OPN4: variants seen among roughly 807,000 people sequenced by gnomAD.
OPN4 encodes the protein melanopsin.
A neutral mutation model predicts 49.5 loss-of-function variants in OPN4; 43 were observed. That is an observed-to-expected ratio of 0.87 (90% CI 0.68 to 1.12). The LOEUF (loss-of-function observed/expected upper bound fraction) is 1.12. Among genes scored for constraint, OPN4 ranks in the 50% most tolerant of loss-of-function variants. The pLI, the probability that OPN4 is intolerant of heterozygous loss-of-function variation, is 0.00. For synonymous variants in OPN4, 263 were observed against 258.0 expected (o/e 1.02, Z -0.19); for missense variants, 657 against 643.9 (o/e 1.02, Z -0.22).
intron 9 of OPN4, chr10:86,664,062 C>T (rs560383328): frequency 2.3e-6 from 1 of 441,162 alleles, no homozygotes; most frequent in South Asian, 3.7e-5. Flanking sequence ...CTGCATGGTG[C>T]TGTTGGCTGT....
intron 8 of OPN4, among the ~76,000 whole-genome samples, chr10:86,663,146 G>T (rs1844056782): frequency 6.6e-6 from 1 of 152,160 alleles, no homozygotes; most frequent in African/African-American, 2.4e-5. Flanking sequence ...TGCGCCACCG[G>T]CTCCTGTTCC....
Position 86,666,099 on chromosome 10 carries a change from AC to A in OPN4, c.*350del, listed in dbSNP as rs1427064366. 2.0e-5 allele frequency: 6 copies of A among 296,662 alleles called. No individual in the cohort carries two copies. Among genetic ancestry groups the A allele is most frequent in the African/African-American group, 1.3e-4 (6 of 46,092 alleles). The allele number at this position is 296,662 out of a possible 1,614,324, so 18.4% of individuals were successfully genotyped here. On this transcript the variant is annotated 3_prime_UTR_variant, in exon 10 of 10. Coordinates refer to ENST00000241891, the MANE Select transcript of OPN4 (RefSeq NM_033282.4). ...CAATGGTGATGGCTCCAGAGAACAC[AC>A]CAGCTATTTATGAGCCTCTGCCCCC... is the stretch of plus-strand genomic sequence containing the variant.
Position 86,659,453 on chromosome 10 carries a change from T to A in OPN4, c.785T>A (p.Ile262Asn). ...IYCYIFIFRA[I>N]RETGRALQTF... Reference sequence around the variant, plus strand: ...TGCTACATCTTCATCTTCAGGGCCATCCGGGAGACAGGACGGTAAGAGCCG... The same window carrying A: ...TGCTACATCTTCATCTTCAGGGCCAACCGGGAGACAGGACGGTAAGAGCCG... The change falls in exon 5 of 10, where the codon ATC becomes AAC. Residue 262 changes from isoleucine (I) to asparagine (N), a missense_variant. By Grantham distance (149) the Ile-to-Asn change is moderately radical (BLOSUM62 -3). Transcript: ENST00000241891. 6.2e-7 allele frequency: 1 copy of A among 1,613,858 alleles called. No individual in the cohort carries two copies. The highest frequency in any genetic ancestry group is 1.1e-5 in the South Asian group (1 of 91,054).
Position 86,658,157 on chromosome 10 carries a change from G to A in OPN4, c.416G>A (p.Gly139Glu). ...AGCCTCTATAAGCAGTGGCTCTTTG[G>A]GGAGACAGGTAGATGCTGGGGCTCC... Reference protein sequence around the residue: ...TSSLYKQWLFGETGCEFYAFC... With the variant: ...TSSLYKQWLFEETGCEFYAFC... Residue 139 changes from glycine to glutamate, a missense_variant, in exon 3 of 10, where the codon GGG becomes GAG. By Grantham distance (98) the Gly-to-Glu change is moderately conservative. Coordinates refer to ENST00000241891, the MANE Select transcript of OPN4 (RefSeq NM_033282.4). 3 of 1,613,834 alleles carry A rather than the reference G, an allele frequency of 1.9e-6. No individual in the cohort carries two copies. The highest frequency in any genetic ancestry group is 2.5e-6 in the Non-Finnish European group (3 of 1,179,956).
chr10:86,660,737 G>T (rs1343345420), intron 6 of OPN4, among the ~76,000 whole-genome samples: 1 of 152,154 alleles, frequency 6.6e-6, no homozygotes, highest in African/African-American at 2.4e-5. Context: ...AAGGAACAGT[G>T]GACCTGGGAA....
Position 86,663,685 on chromosome 10 carries a change from T to TGTAA in OPN4, c.1283_1284insAAGT (p.Trp429SerfsTer62). ...GCTGGACACACATGGAGGCAGCAGC[T>TGTAA]GTGTGGGGAGCTGCCCAGCAAGCAA... On this transcript the variant is annotated frameshift_variant, in exon 9 of 10. Coordinates refer to ENST00000241891, the MANE Select transcript of OPN4 (RefSeq NM_033282.4). LOFTEE classifies it high-confidence loss of function. 6.4e-7 allele frequency: 1 copy of TGTAA among 1,561,758 alleles called. No homozygotes were observed. Among genetic ancestry groups the TGTAA allele is most frequent in the South Asian group, 1.2e-5 (1 of 82,254 alleles).
In OPN4 at chr10:86,658,496, A is replaced by G. The variant is rs200099863; in HGVS notation, c.437A>G (p.Tyr146Cys). ...WLFGETGCEF[Y>C]AFCGALFGIS... ...GCTGTGCCCACAGGCTGCGAGTTCT[A>G]TGCCTTCTGTGGAGCTCTCTTTGGC... The change falls in exon 4 of 10, where the codon TAT becomes TGT. Residue 146 changes from tyrosine (Y) to cysteine (C), a missense_variant. Tyr to Cys is a radical substitution (Grantham distance 194). Transcript: ENST00000241891. The G allele has an allele frequency of 8.7e-5, 141 of 1,614,128 alleles. No homozygotes were observed. In the East Asian group the frequency reaches 1.9e-3, roughly 22 times the overall value.
intron 1 of OPN4, among the ~76,000 whole-genome samples, chr10:86,655,759 A>G (rs1218694130): frequency 1.3e-5 from 2 of 152,112 alleles, no homozygotes; most frequent in Non-Finnish European, 2.9e-5. Flanking sequence ...AGGCCTCAAA[A>G]ACTGTCTTGG....
Position 86,666,213 on chromosome 10 carries a change from G to A in OPN4, c.*462G>A, listed in dbSNP as rs144044270. 1.9e-4 allele frequency: 38 copies of A among 199,104 alleles called. No individual in the cohort carries two copies. Among genetic ancestry groups the A allele is most frequent in the African/African-American group, 8.4e-4 (36 of 43,044 alleles). 12.3% of individuals were successfully genotyped at this position (199,104 alleles called of 1,614,324 possible). A position where few individuals can be genotyped will look rare whatever the true frequency, so the allele number is the denominator to read the frequency against. On this transcript the variant is annotated 3_prime_UTR_variant, in exon 10 of 10. Transcript: ENST00000241891. ...GCCGAGCACAGACCTCCCTTTGCAC[G>A]CTGGAACAGTTACTCACCTGTGGCT...
intron 8 of OPN4, among the ~76,000 whole-genome samples, chr10:86,663,232 C>G (rs773078809): frequency 1.3e-5 from 2 of 152,138 alleles, no homozygotes; most frequent in Non-Finnish European, 2.9e-5. Context: ...GCCAACTGAC[C>G]GGCCAGCGAT....
chr10:86,665,413 T>G (rs988962471), intron 9 of OPN4, among the ~76,000 whole-genome samples: 7 of 151,830 alleles, frequency 4.6e-5, no homozygotes, highest in African/African-American at 1.7e-4. Context: ...TGCCAGAGTC[T>G]CCACATGTGG....
At chr10:86,659,577 G>A (rs1261394955) in intron 5 of OPN4, 109 bp downstream of exon 5, 1 of 1,424,580 alleles carries the variant, frequency 7.0e-7, no homozygotes, top group East Asian at 2.5e-5. Flanking sequence ...CATGACCAGT[G>A]GGTGAAGGCA....
chr10:86,657,989 G>C (rs773088157), intron 2 of OPN4, 43 bp from the exon 3 acceptor site: 11 of 1,599,146 alleles, frequency 6.9e-6, no homozygotes, highest in Middle Eastern at 2.3e-4. Flanking sequence ...CATAGCTCTG[G>C]AGGTGTCAGG....
At chr10:86,655,103 G>A (rs1167273093) in intron 1 of OPN4, among the ~76,000 whole-genome samples, 176 bp downstream of exon 1, 1 of 152,234 alleles carries the variant, frequency 6.6e-6, no homozygotes, top group Admixed American at 6.5e-5. Flanking sequence ...GCTGATAGAG[G>A]AGGGTGCAGG....
At position 86,654,910 on chromosome 10, in the gene OPN4, C is replaced by G. The variant is rs375718325; in HGVS notation, c.127C>G (p.Pro43Ala). 87 of 1,610,146 alleles carry G rather than the reference C, an allele frequency of 5.4e-5. No homozygotes were observed. The highest frequency in any genetic ancestry group is 6.9e-5 in the Non-Finnish European group (81 of 1,177,866). ...CAGCATCTCCAGCCTGGGCCGGCTT[C>G]CATCCATCAGTCCCACAGTAAGCCT... ...QSSISSLGRL[P>A]SISPTAPGTW... The change falls in exon 1 of 10, where the codon CCA becomes GCA. Residue 43 changes from proline (P) to alanine (A), a missense_variant. Physicochemically the swap from Pro to Ala is conservative, Grantham distance 27 (BLOSUM62 -1). Coordinates refer to ENST00000241891, the MANE Select transcript of OPN4 (RefSeq NM_033282.4).
chr10:86,664,037 C>A, intron 9 of OPN4: 1 of 486,670 alleles, frequency 2.1e-6, no homozygotes. Context: ...TGTGTGTGAT[C>A]ATGCAACTCT....
rs146304122 is a variant in OPN4 at position 86,658,578 on chromosome 10, A to G, written c.519A>G (p.Thr173=). 2.3e-4 allele frequency: 372 copies of G among 1,614,100 alleles called. 1 individual carries two copies. The African/African-American group carries it at 4.4e-3, about 19-fold the overall frequency. Residue 173 remains threonine, a synonymous_variant, in exon 4 of 10, where the codon ACA becomes ACG. Coordinates refer to ENST00000241891, the MANE Select transcript of OPN4 (RefSeq NM_033282.4). The part of the protein sequence containing the change: ...AIALDRYLVI[T]RPLATFGVAS... ...CCCTGGACCGCTACCTGGTAATCAC[A>G]CGCCCGCTGGCCACCTTTGGTGTGG... is the stretch of plus-strand genomic sequence containing the variant.
At position 86,666,439 on chromosome 10, in the gene OPN4, G is replaced by A. The variant is rs549217263; in HGVS notation, c.*688G>A. On this transcript the variant is annotated 3_prime_UTR_variant, in exon 10 of 10. Transcript: ENST00000241891. ...GACAGGGTATAGGAAAATAAAAAGC[G>A]GAGAAGGTGTCTTCAGACAAATATG... is the stretch of plus-strand genomic sequence containing the variant. The A allele has an allele frequency of 4.8e-5, 11 of 229,724 alleles. No individual in the cohort carries two copies. Among genetic ancestry groups the A allele is most frequent in the Non-Finnish European group, 8.9e-5 (10 of 112,264 alleles). 14.2% of individuals were successfully genotyped at this position (229,724 alleles called of 1,614,324 possible). A position where few individuals can be genotyped will look rare whatever the true frequency, so the allele number is the denominator to read the frequency against.
At chr10:86,659,783 T>G in intron 5 of OPN4, 112 bp from the exon 6 acceptor site, 2 of 1,156,856 alleles carry the variant, frequency 1.7e-6, no homozygotes, top group Non-Finnish European at 2.5e-6. Context: ...GGAATGACAC[T>G]CTCACGAGTG....
Sources: gnomAD v4.1 joint callset for allele counts (sites outside exome capture counted in the v4.1 genomes callset) on GRCh38, gnomAD v4.1.1 for gene constraint, MANE v1.5 for transcripts, NCBI Gene and HGNC (gene_info 2026-07-23, HGNC 2026-07-21) for gene names.